The following DNAH2 variants were observed in gnomAD, a reference collection of about 807,000 sequenced individuals.
DNAH2 encodes axonemal beta dynein heavy chain 2.
Under a neutral mutation model 523.5 loss-of-function variants are expected in DNAH2, and 323 were observed. That is an observed-to-expected ratio of 0.62 (90% CI 0.56 to 0.68). The LOEUF is 0.68. DNAH2 is among the 30% of genes least tolerant of loss of function. DNAH2 has a pLI of 0.00. For synonymous variants in DNAH2, 2,093 were observed against 2,177.4 expected, an observed-to-expected ratio of 0.96 and a Z score of 1.08; for missense variants, 4,907 against 5,701.5, an observed-to-expected ratio of 0.86 and a Z score of 4.49.
At position 7,733,176 on chromosome 17, in the gene DNAH2, G is replaced by A. The variant is rs369539181; in HGVS notation, c.489G>A (p.Val163=). Residue 163 remains valine (V), a synonymous_variant, in exon 5 of 86, where the codon GTG becomes GTA. Coordinates refer to ENST00000572933, the MANE Select transcript of DNAH2 (RefSeq NM_020877.5). ...AGGCAACTGTGCAGTTTGGGACGGTGCGGGGCCCCTATATCCCGGCCCTGC... is the reference window on the plus strand; with the variant it reads ...AGGCAACTGTGCAGTTTGGGACGGTACGGGGCCCCTATATCCCGGCCCTGC... ...NFEATVQFGT[V]RGPYIPALLR... 1.4e-5 allele frequency: 22 copies of A among 1,614,062 alleles called. No individual in the cohort carries two copies. The highest frequency in any genetic ancestry group is 1.9e-5 in the Non-Finnish European group (22 of 1,180,030).
In DNAH2 at chr17:7,821,466, C is replaced by A; in HGVS notation, c.11142+97C>A. 2 of 1,452,474 alleles carry A rather than the reference C, an allele frequency of 1.4e-6. No homozygotes were observed. Among genetic ancestry groups the A allele is most frequent in the Non-Finnish European group, 1.8e-6 (2 of 1,087,482 alleles). 90.0% of individuals were successfully genotyped at this position (1,452,474 alleles called of 1,614,324 possible). ...CTCCAGACCCAGAGGGTCAGGCCCA[C>A]AGCATCAGTGAGTGAGCTGAGAAAA... On this transcript the variant is annotated intron_variant, in intron 73 of 85. Transcript: ENST00000572933. This position sits in a 1 kb window ranked among gnomAD's most constrained non-coding sequence, Gnocchi z 5.0.
intron 48 of DNAH2, among the ~76,000 whole-genome samples, chr17:7,793,524 C>CTCTTTCTTTCTTTT (rs2076977852): frequency 2.0e-5 from 2 of 101,330 alleles, no homozygotes; most frequent in Non-Finnish European, 4.7e-5. Flanking sequence ...TCTTCTCTTT[C>CTCTTTCTTTCTTTT]TCTTTCTTTC....
intron 2 of DNAH2, among the ~76,000 whole-genome samples, chr17:7,722,964 C>CTTTTTTTT (rs559136734): frequency 1.7e-5 from 2 of 114,696 alleles, no homozygotes; most frequent in African/African-American, 3.6e-5. Flanking sequence ...CTTTTCTTTC[C>CTTTTTTTT]TTTTTTTTTT....
At chr17:7,763,564 C>T (rs1194510061) in intron 18 of DNAH2, among the ~76,000 whole-genome samples, 1 of 152,222 alleles carries the variant, frequency 6.6e-6, no homozygotes, top group Non-Finnish European at 1.5e-5. Context: ...CAGGCGTGAG[C>T]CATCGCACCC....
In DNAH2 at chr17:7,758,624, C is replaced by G. The variant is rs1470634352; in HGVS notation, c.2181C>G (p.Ile727Met). 2.5e-6 allele frequency: 4 copies of G among 1,613,862 alleles called. No homozygotes were observed. The highest frequency in any genetic ancestry group is 2.5e-6 in the Non-Finnish European group (3 of 1,179,994). ...WALKGASAFF[I>M]TECRIHASKV... ...TGAAGGGGGCCAGTGCCTTCTTCAT[C>G]ACGGAGTGCCGTATACATGCCAGCA... The change falls in exon 14 of 86, where the codon ATC becomes ATG. Residue 727 changes from isoleucine to methionine, a missense_variant. Transcript: ENST00000572933.
chr17:7,781,781 C>G, intron 39 of DNAH2, among the ~76,000 whole-genome samples: 1 of 152,322 alleles, frequency 6.6e-6, no homozygotes, highest in East Asian at 1.9e-4. Context: ...GCACTTTCTC[C>G]GTGCCCATCA....
At position 7,807,228 on chromosome 17, in the gene DNAH2, C is replaced by T. The variant is rs746596787; in HGVS notation, c.9521C>T (p.Ala3174Val). 1 of 1,613,734 alleles carries T rather than the reference C, an allele frequency of 6.2e-7. No individual in the cohort carries two copies. Among genetic ancestry groups the T allele is most frequent in the South Asian group, 1.1e-5 (1 of 91,088 alleles). Residue 3174 changes from alanine to valine, a missense_variant, in exon 62 of 86, where the codon GCC becomes GTC. Ala to Val is a moderately conservative substitution (Grantham distance 64). Transcript: ENST00000572933. This position sits in a 1 kb window ranked among gnomAD's most constrained non-coding sequence, Gnocchi z 5.6. The part of the protein sequence containing the change: ...ISDKVLKKIG[A>V]YCAQPDFQPD... Reference sequence around the variant, plus strand: ...GATAAGGTTCTGAAGAAGATTGGGGCCTACTGCGCCCAGCCTGACTTCCAG... The same window carrying T: ...GATAAGGTTCTGAAGAAGATTGGGGTCTACTGCGCCCAGCCTGACTTCCAG...
chr17:7,759,987 C>T (rs768101429), intron 17 of DNAH2, 49 bp downstream of exon 17: 39 of 1,612,706 alleles, frequency 2.4e-5, no homozygotes, highest in African/African-American at 5.3e-5. Context: ...CAGAGGCTGT[C>T]GAGTGGGCCA....
chr17:7,824,642 G>A lies in DNAH2; in HGVS notation c.11768G>A (p.Arg3923His), dbSNP rs539312854. The change falls in exon 77 of 86, where the codon CGC (arginine) becomes CAC (histidine). Residue 3923 changes from arginine to histidine, a missense_variant. Coordinates refer to ENST00000572933, the MANE Select transcript of DNAH2 (RefSeq NM_020877.5). Reference protein sequence around the residue: ...LQVEDPHPSFRLWLSSIPHPD... With the variant: ...LQVEDPHPSFHLWLSSIPHPD... ...GTGGAGGATCCTCATCCATCCTTCCGCCTCTGGCTCAGCTCCATCCCCCAC... is the reference window on the plus strand; with the variant it reads ...GTGGAGGATCCTCATCCATCCTTCCACCTCTGGCTCAGCTCCATCCCCCAC... The A allele has an allele frequency of 1.7e-5, 27 of 1,608,366 alleles. No individual in the cohort carries two copies. The highest frequency in any genetic ancestry group is 2.2e-5 in the South Asian group (2 of 90,424).
At chr17:7,773,108 T>G (rs899078304) in intron 28 of DNAH2, among the ~76,000 whole-genome samples, 2 of 152,144 alleles carry the variant, frequency 1.3e-5, no homozygotes, top group African/African-American at 4.8e-5. Context: ...TTATTGCCAT[T>G]TTGTACACAA....
rs1404466612 is a variant in DNAH2 at position 7,807,604 on chromosome 17, C to T, written c.9729+18C>T. ...TGCGGGAGGTGAGCTGATCGCCTGTCCTTTCCACGGAGGTCCCTCTCCCTG... is the reference window on the plus strand; with the variant it reads ...TGCGGGAGGTGAGCTGATCGCCTGTTCTTTCCACGGAGGTCCCTCTCCCTG... On this transcript the variant is annotated intron_variant, in intron 63 of 85. Transcript: ENST00000572933. This position sits in a 1 kb window ranked among gnomAD's most constrained non-coding sequence, Gnocchi z 5.6. The T allele has an allele frequency of 1.2e-6, 2 of 1,602,326 alleles. No individual in the cohort carries two copies. The highest frequency in any genetic ancestry group is 1.7e-6 in the Non-Finnish European group (2 of 1,174,740).
At chr17:7,810,677 C>T (rs1216382761) in intron 63 of DNAH2, among the ~76,000 whole-genome samples, 1 of 152,134 alleles carries the variant, frequency 6.6e-6, no homozygotes, top group Non-Finnish European at 1.5e-5. Flanking sequence ...GTGTGAGCCA[C>T]CGCGCCTGCC....
chr17:7,815,767 T>A (rs2077649370), intron 63 of DNAH2, among the ~76,000 whole-genome samples: 1 of 151,876 alleles, frequency 6.6e-6, no homozygotes, highest in South Asian at 2.1e-4. Flanking sequence ...CACACACATA[T>A]ACAGGATCTT....
intron 72 of DNAH2, 120 bp downstream of exon 72, chr17:7,819,528 T>G (rs1032030729): frequency 2.0e-6 from 2 of 1,016,900 alleles, no homozygotes; most frequent in Non-Finnish European, 3.0e-6. Flanking sequence ...CCTTGGCATA[T>G]GTCCTCCTGG....
intron 11 of DNAH2, among the ~76,000 whole-genome samples, chr17:7,741,282 C>G (rs545696984): frequency 1.7e-5 from 1 of 59,304 alleles, no homozygotes; most frequent in Non-Finnish European, 3.0e-5. Context: ...TTCTTTCTTT[C>G]TTTCTTTCTT....
rs543465557 is a variant in DNAH2 at position 7,757,387 on chromosome 17, C to T, written c.2051+150C>T. ...AAAAAAAAATTGTCTCCCACTCTTA[C>T]GGCCCTATCATTATTCCTACCCCTT... On this transcript the variant is annotated intron_variant, in intron 13 of 85. Coordinates refer to ENST00000572933, the MANE Select transcript of DNAH2 (RefSeq NM_020877.5). The T allele has an allele frequency of 1.0e-4, 110 of 1,086,380 alleles. No homozygotes were observed. The South Asian group carries it at 1.2e-3, about 12-fold the overall frequency. 67.3% of individuals were successfully genotyped at this position (1,086,380 alleles called of 1,614,324 possible).
Position 7,788,621 on chromosome 17 carries a change from A to C in DNAH2, c.6900+377A>C, listed in dbSNP as rs151084978. Among the ~76,000 whole-genome samples, 1,245 of 152,314 alleles carry C rather than the reference A, an allele frequency of 8.2e-3. 17 individuals are homozygous for C. Among genetic ancestry groups the C allele is most frequent in the African/African-American group, 0.027 (1,136 of 41,568 alleles). On this transcript the variant is annotated intron_variant, in intron 44 of 85. Transcript: ENST00000572933. Reference sequence around the variant, plus strand: ...CCTGGGACACCATTTCTCCTAGAAGAAGCTCCCAGGCTATTCTGATGAGAG... The same window carrying C: ...CCTGGGACACCATTTCTCCTAGAAGCAGCTCCCAGGCTATTCTGATGAGAG...
chr17:7,819,502 C>T, intron 72 of DNAH2, 94 bp downstream of exon 72: 1 of 1,357,252 alleles, frequency 7.4e-7, no homozygotes, highest in Non-Finnish European at 1.0e-6. Context: ...CACCGCGGCT[C>T]TCAGCCTGCC....
rs749147684 is a variant in DNAH2 at position 7,786,385 on chromosome 17, T to G, written c.6348+43T>G. 2 of 1,590,532 alleles carry G rather than the reference T, an allele frequency of 1.3e-6. No individual in the cohort carries two copies. Among genetic ancestry groups the G allele is most frequent in the East Asian group, 4.5e-5 (2 of 44,552 alleles). ...TGGAGTCAGTGGGCAGAGACTTGAG[T>G]AGTAAGAAGACAATGGAGGGTGGGG... On this transcript the variant is annotated intron_variant, in intron 40 of 85. Coordinates refer to ENST00000572933, the MANE Select transcript of DNAH2 (RefSeq NM_020877.5). This position sits in a 1 kb window ranked among gnomAD's most constrained non-coding sequence, Gnocchi z 7.5.
Sources: gnomAD v4.1 joint callset for allele counts (sites outside exome capture counted in the v4.1 genomes callset) on GRCh38, gnomAD v4.1.1 for gene constraint, Gnocchi (gnomAD v3.1) non-coding constraint, MANE v1.5 for transcripts, NCBI Gene and HGNC (gene_info 2026-07-23, HGNC 2026-07-21) for gene names.